ANKRD17: variants seen among roughly 807,000 people sequenced by gnomAD.
ANKRD17 encodes the protein ankyrin repeat domain 17, also known as ankyrin repeat domain-containing protein 17.
In ANKRD17, 19 loss-of-function variants were observed where a neutral mutation model predicts 229.7. The ratio of observed to expected loss-of-function variants is 0.08; its 90% CI spans 0.06 to 0.12. ANKRD17 has a LOEUF of 0.12. ANKRD17 is among the 10% of genes least tolerant of loss of function. The probability of loss-of-function intolerance (pLI) is 1.00; values close to 1 mark genes in which losing one functional copy is unlikely to be tolerated. For synonymous variants in ANKRD17, 1,112 were observed against 1,146.1 expected (o/e 0.97, Z 0.60); for missense variants, 2,176 against 3,176.8 (o/e 0.68, Z 7.57).
chr4:73,120,673 A>G (rs1000760835), intron 20 of ANKRD17, among the ~76,000 whole-genome samples: 1 of 151,908 alleles, frequency 6.6e-6, no homozygotes, highest in African/African-American at 2.4e-5. Context: ...TGATAATCCT[A>G]CTGTCATTGT....
chr4:73,153,785 ATT>A (rs1731306428), intron 6 of ANKRD17, 93 bp downstream of exon 6: 5 of 890,586 alleles, frequency 5.6e-6, no homozygotes, highest in Admixed American at 6.8e-5. Flanking sequence ...ATATACTATC[ATT>A]GTTTTATTTT....
rs111420743 is a variant in ANKRD17 at position 73,148,712 on chromosome 4, G to T, written c.1567+101C>A. 334 of 1,056,794 alleles carry T rather than the reference G, an allele frequency of 3.2e-4. No homozygotes were observed. In the African/African-American group the frequency reaches 4.7e-3, roughly 15 times the overall value. The allele number at this position is 1,056,794 out of a possible 1,614,324, so 65.5% of individuals were successfully genotyped here. A position where few individuals can be genotyped will look rare whatever the true frequency, so the allele number is the denominator to read the frequency against. On this transcript the variant is annotated intron_variant, in intron 8 of 33. Coordinates refer to ENST00000358602, the MANE Select transcript of ANKRD17 (RefSeq NM_032217.5). ...TCACTGGTTTGTGTAATAGCTCATTGCAACTCTACTAGAAAGGTGAAATAC... is the reference window on the plus strand; with the variant it reads ...TCACTGGTTTGTGTAATAGCTCATTTCAACTCTACTAGAAAGGTGAAATAC...
intron 1 of ANKRD17, among the ~76,000 whole-genome samples, chr4:73,218,687 C>T (rs1741437665): frequency 6.7e-6 from 1 of 149,870 alleles, no homozygotes; most frequent in Non-Finnish European, 1.5e-5. Flanking sequence ...GACATTTCTT[C>T]TTCATCTTCT....
intron 7 of ANKRD17, 125 bp from the exon 8 acceptor site, chr4:73,149,175 A>C (rs1730668611): frequency 2.7e-6 from 2 of 728,666 alleles, no homozygotes; most frequent in Non-Finnish European, 4.6e-6. Flanking sequence ...ATAGAGCTAC[A>C]TTTAACAGTT....
chr4:73,113,913 A>T lies in ANKRD17; in HGVS notation c.4285-5T>A. 1 of 1,592,048 alleles carries T rather than the reference A, an allele frequency of 6.3e-7. No individual in the cohort carries two copies. The highest frequency in any genetic ancestry group is 8.6e-7 in the Non-Finnish European group (1 of 1,164,558). ...ATGACACTTCTTCAGCATCTCCTAT[A>T]ATGAAAAATTAAGATTTTTCCAGGC... On this transcript the variant is annotated splice_polypyrimidine_tract_variant and splice_region_variant and intron_variant, in intron 23 of 33. Transcript: ENST00000358602.
intron 5 of ANKRD17, 82 bp downstream of exon 5, chr4:73,155,549 C>T: frequency 6.6e-7 from 1 of 1,505,980 alleles, no homozygotes; most frequent in Non-Finnish European, 9.1e-7. Context: ...GAAAAATTAG[C>T]ACTAAACATC....
chr4:73,144,891 T>A (rs548345513), intron 10 of ANKRD17, 59 bp from the exon 11 acceptor site: 1 of 1,249,680 alleles, frequency 8.0e-7, no homozygotes, highest in East Asian at 2.4e-5. Context: ...AGTATTCTTT[T>A]TCATGGAAAT....
chr4:73,108,630 T>C (rs561318451), intron 24 of ANKRD17, among the ~76,000 whole-genome samples: 199 of 152,246 alleles, frequency 1.3e-3, no homozygotes, highest in African/African-American at 4.5e-3. Context: ...GAAGTAACCA[T>C]TGGATTTAGC....
At chr4:73,116,601 G>C (rs186392926) in intron 22 of ANKRD17, among the ~76,000 whole-genome samples, 5 of 152,018 alleles carry the variant, frequency 3.3e-5, no homozygotes, top group African/African-American at 1.2e-4. Flanking sequence ...CTTCCTTTTA[G>C]ACTGCATGTT....
chr4:73,180,177 G>A (rs1046129435), intron 1 of ANKRD17, among the ~76,000 whole-genome samples: 2 of 152,018 alleles, frequency 1.3e-5, no homozygotes, highest in Admixed American at 6.5e-5. Context: ...GAGATCAGAG[G>A]TGCTAAAGAT....
chr4:73,111,621 T>TA (rs1725328594), intron 24 of ANKRD17, among the ~76,000 whole-genome samples: 1 of 152,214 alleles, frequency 6.6e-6, no homozygotes, highest in Non-Finnish European at 1.5e-5. Flanking sequence ...AAAATATGTA[T>TA]AAGGGTGTTT....
intron 1 of ANKRD17, among the ~76,000 whole-genome samples, chr4:73,225,882 A>G (rs559109770): frequency 0.02 from 2,929 of 144,870 alleles, 48 homozygotes; most frequent in African/African-American, 0.041. Flanking sequence ...AAAAAAAAAA[A>G]AAAGAAAGAA....
intron 1 of ANKRD17, among the ~76,000 whole-genome samples, chr4:73,219,411 T>A (rs1176545248): frequency 6.6e-6 from 1 of 152,182 alleles, no homozygotes; most frequent in African/African-American, 2.4e-5. Flanking sequence ...ATTTTTATGG[T>A]AAATAGCAAG....
At chr4:73,214,847 TAAA>T (rs766995925) in intron 1 of ANKRD17, among the ~76,000 whole-genome samples, 3 of 85,584 alleles carry the variant, frequency 3.5e-5, no homozygotes, top group Admixed American at 2.7e-4. Context: ...TCGTCTCTAT[TAAA>T]AAAAAAAAAA....
rs1720850719 is a variant in ANKRD17 at position 73,073,734 on chromosome 4, A to G, written c.*2497T>C. 1 of 152,004 alleles carries G rather than the reference A, an allele frequency of 6.6e-6. No individual in the cohort carries two copies. Among genetic ancestry groups the G allele is most frequent in the South Asian group, 2.1e-4 (1 of 4,830 alleles). 9.4% of individuals were successfully genotyped at this position (152,004 alleles called of 1,614,324 possible). A position where few individuals can be genotyped will look rare whatever the true frequency, so the allele number is the denominator to read the frequency against. ...TAAACAGTGAAGTCAGTGTTTGTAA[A>G]TATGTTGATTATGTTGAAATGTATG... On this transcript the variant is annotated 3_prime_UTR_variant, in exon 34 of 34. Coordinates refer to ENST00000358602, the MANE Select transcript of ANKRD17 (RefSeq NM_032217.5).
chr4:73,145,615 A>G (rs940295903), intron 10 of ANKRD17, among the ~76,000 whole-genome samples: 1 of 152,168 alleles, frequency 6.6e-6, no homozygotes, highest in Non-Finnish European at 1.5e-5. Flanking sequence ...TCTAATTGCC[A>G]TCAACTAACC....
intron 25 of ANKRD17, chr4:73,101,183 T>C: frequency 4.2e-6 from 4 of 960,346 alleles, no homozygotes; most frequent in Non-Finnish European, 3.7e-6. Flanking sequence ...CCTGTGGATA[T>C]AAAGGGACAG....
intron 21 of ANKRD17, 75 bp downstream of exon 21, chr4:73,120,087 G>A: frequency 4.8e-6 from 7 of 1,459,282 alleles, no homozygotes; most frequent in Non-Finnish European, 6.7e-6. Flanking sequence ...TTTTTAAATA[G>A]TTTAATTGCC....
intron 1 of ANKRD17, among the ~76,000 whole-genome samples, chr4:73,187,212 T>A (rs1023317425): frequency 1.3e-5 from 2 of 152,186 alleles, no homozygotes; most frequent in Non-Finnish European, 2.9e-5. Context: ...TTTTTAGGTA[T>A]GTAAACACTA....
Sources: allele counts gnomAD v4.1 joint callset (sites outside exome capture counted in the v4.1 genomes callset), GRCh38; gene constraint gnomAD v4.1.1; transcripts MANE v1.5; gene names NCBI Gene and HGNC (gene_info 2026-07-23, HGNC 2026-07-21).